Variants in CYP7B1 observed in about 807,000 individuals in gnomAD.
The protein encoded by CYP7B1 is cytochrome P450 family 7 subfamily B member 1.
CYP7B1 carries 29 observed loss-of-function variants against 42.7 expected under a neutral mutation model. The observed-to-expected ratio is 0.68, with a 90% CI of 0.51 to 0.93. The LOEUF (loss-of-function observed/expected upper bound fraction) is 0.93, where lower values mean the gene tolerates loss of function less well. CYP7B1 is among the 40% of genes least tolerant of loss of function. The probability of loss-of-function intolerance (pLI) is 0.00; values close to 1 mark genes in which losing one functional copy is unlikely to be tolerated. For synonymous variants in CYP7B1, 235 were observed against 218.2 expected (o/e 1.08, Z -0.68); for missense variants, 655 against 600.5 (o/e 1.09, Z -0.95).
chr8:64,605,668 C>T (rs1417971938), intron 4 of CYP7B1, among the ~76,000 whole-genome samples: 1 of 152,080 alleles, frequency 6.6e-6, no homozygotes, highest in Non-Finnish European at 1.5e-5. Flanking sequence ...TAGCTCCTGT[C>T]TAGGTCTGCA....
intron 1 of CYP7B1, among the ~76,000 whole-genome samples, chr8:64,637,767 A>G (rs1805794955): frequency 6.6e-6 from 1 of 152,126 alleles, no homozygotes; most frequent in African/African-American, 2.4e-5. Context: ...CATTTTCATT[A>G]TTTAGATAGC....
At chr8:64,674,655 T>C (rs1341423767) in intron 1 of CYP7B1, among the ~76,000 whole-genome samples, 1 of 152,122 alleles carries the variant, frequency 6.6e-6, no homozygotes, top group African/African-American at 2.4e-5. Flanking sequence ...ACTAAGCAAG[T>C]TGATCTTTAC....
At chr8:64,791,243 A>G (rs1011448502) in intron 1 of CYP7B1, among the ~76,000 whole-genome samples, 3 of 152,222 alleles carry the variant, frequency 2.0e-5, no homozygotes, top group African/African-American at 7.2e-5. Context: ...ACAGGTGACT[A>G]TCAAGCAAAA....
chr8:64,768,764 T>C (rs1804154630), intron 1 of CYP7B1, among the ~76,000 whole-genome samples: 1 of 152,168 alleles, frequency 6.6e-6, no homozygotes, highest in Non-Finnish European at 1.5e-5. Flanking sequence ...ATTCAAAGGT[T>C]TTCCCAATTT....
At chr8:64,646,268 C>T (rs898056512) in intron 1 of CYP7B1, among the ~76,000 whole-genome samples, 4 of 151,944 alleles carry the variant, frequency 2.6e-5, no homozygotes, top group Non-Finnish European at 5.9e-5. Flanking sequence ...AGGCAACCCA[C>T]AAAATGGGAG....
At chr8:64,733,828 G>A (rs940345994) in intron 1 of CYP7B1, among the ~76,000 whole-genome samples, 5 of 151,994 alleles carry the variant, frequency 3.3e-5, no homozygotes, top group African/African-American at 1.2e-4. Flanking sequence ...TAGTTAGCCA[G>A]GCATTGTGGT....
chr8:64,756,999 G>C (rs927796403), intron 1 of CYP7B1, among the ~76,000 whole-genome samples: 1 of 152,158 alleles, frequency 6.6e-6, no homozygotes, highest in African/African-American at 2.4e-5. Context: ...GACCAGCCAG[G>C]TCTCCAGTTG....
intron 1 of CYP7B1, among the ~76,000 whole-genome samples, chr8:64,695,804 T>C (rs7830315): frequency 0.45 from 67,786 of 151,366 alleles, 16,251 homozygotes; most frequent in Middle Eastern, 0.52. Flanking sequence ...CAAAGTAATA[T>C]ATGTAAATTC....
intron 1 of CYP7B1, among the ~76,000 whole-genome samples, chr8:64,694,666 T>C (rs1288894953): frequency 1.3e-5 from 2 of 152,226 alleles, no homozygotes; most frequent in Non-Finnish European, 2.9e-5. Context: ...ATATTTCAAG[T>C]GTTTTTTATT....
chr8:64,684,153 C>T (rs1276298288), intron 1 of CYP7B1, among the ~76,000 whole-genome samples: 4 of 152,212 alleles, frequency 2.6e-5, no homozygotes, highest in African/African-American at 9.7e-5. Context: ...GGTAGGCATT[C>T]AGCAAATAAT....
chr8:64,614,914 T>C, intron 4 of CYP7B1, 112 bp downstream of exon 4: 1 of 956,604 alleles, frequency 1.0e-6, no homozygotes. Flanking sequence ...ATGGGTGTTA[T>C]TATGTCAATT....
chr8:64,587,574 G>C (rs950544684), downstream of CYP7B1, among the ~76,000 whole-genome samples: 3 of 152,206 alleles, frequency 2.0e-5, no homozygotes, highest in Admixed American at 6.5e-5. Context: ...CCAAAGAGCT[G>C]CTCGCTTCCT....
At chr8:64,701,004 A>G (rs1162247670) in intron 1 of CYP7B1, among the ~76,000 whole-genome samples, 1 of 152,024 alleles carries the variant, frequency 6.6e-6, no homozygotes, top group Non-Finnish European at 1.5e-5. Context: ...TTGTGTCCTA[A>G]GAGTAATGAA....
Position 64,596,702 on chromosome 8 carries a change from C to CA in CYP7B1, c.1460dup (p.Leu487PhefsTer11), listed in dbSNP as rs776075679. The CA allele has an allele frequency of 1.1e-5, 17 of 1,613,420 alleles. No homozygotes were observed. The highest frequency in any genetic ancestry group is 1.7e-5 in the Admixed American group (1 of 59,908). On this transcript the variant is annotated frameshift_variant, in exon 6 of 6. Coordinates refer to ENST00000310193, the MANE Select transcript of CYP7B1 (RefSeq NM_004820.5). LOFTEE classifies it low-confidence loss of function (END_TRUNC). ...AATCTGGATACTGAATACCAAACAA[C>CA]AAGCGGCTGTAGTTTAGTCCTATGG... is the stretch of plus-strand genomic sequence containing the variant.
intron 1 of CYP7B1, among the ~76,000 whole-genome samples, chr8:64,701,924 G>C (rs1323805453): frequency 6.6e-6 from 1 of 151,876 alleles, no homozygotes; most frequent in Non-Finnish European, 1.5e-5. Context: ...AAAATAAAAA[G>C]ACCAACCATT....
chr8:64,763,858 C>T (rs1183046825), intron 1 of CYP7B1, among the ~76,000 whole-genome samples: 2 of 152,242 alleles, frequency 1.3e-5, no homozygotes, highest in Non-Finnish European at 2.9e-5. Context: ...TGACCCATAC[C>T]TCCTGGGTCC....
At chr8:64,744,750 T>C (rs1807618643) in intron 1 of CYP7B1, among the ~76,000 whole-genome samples, 1 of 152,204 alleles carries the variant, frequency 6.6e-6, no homozygotes, top group African/African-American at 2.4e-5. Context: ...TAAAGCAAGA[T>C]TTGATCCACA....
intron 2 of CYP7B1, among the ~76,000 whole-genome samples, chr8:64,617,716 G>A (rs1007245966): frequency 6.6e-5 from 10 of 151,604 alleles, no homozygotes; most frequent in African/African-American, 1.7e-4. Context: ...CTCTGTTAGC[G>A]GAACAACTTC....
chr8:64,760,718 TGAA>T (rs1468423082), intron 1 of CYP7B1, among the ~76,000 whole-genome samples: 1 of 152,046 alleles, frequency 6.6e-6, no homozygotes, highest in African/African-American at 2.4e-5. Flanking sequence ...GATGAGGGTG[TGAA>T]GAAGAGGGAA....
Sources: allele counts gnomAD v4.1 joint callset (sites outside exome capture counted in the v4.1 genomes callset), GRCh38; gene constraint gnomAD v4.1.1; transcripts MANE v1.5; gene names NCBI Gene and HGNC (gene_info 2026-07-23, HGNC 2026-07-21).